MTMR6: variants seen among roughly 807,000 people sequenced by gnomAD.
MTMR6 encodes the protein myotubularin related protein 6.
A neutral mutation model predicts 80.1 loss-of-function variants in MTMR6; 47 were observed. The ratio of observed to expected loss-of-function variants is 0.59; its 90% CI spans 0.46 to 0.75. MTMR6 has a LOEUF of 0.75. Among genes scored for constraint, MTMR6 ranks in the 30% least tolerant of loss-of-function variants. The pLI, the probability that MTMR6 is intolerant of heterozygous loss-of-function variation, is 0.00. For missense variants in MTMR6, 629 were observed against 730.9 expected (o/e 0.86, Z 1.61); for synonymous variants, 254 against 253.0 (o/e 1.00, Z -0.04).
intron 9 of MTMR6, among the ~76,000 whole-genome samples, chr13:25,256,995 T>G (rs1415196423): frequency 1.3e-5 from 2 of 152,212 alleles, no homozygotes; most frequent in African/African-American, 4.8e-5. Context: ...CAGATCAGTC[T>G]TTGCTGTGAG....
In MTMR6 at chr13:25,246,694, C is replaced by CA. The variant is rs1007308829; in HGVS notation, c.*2537dup. ...TCAATATTTTAAAGCTGACCTTCTG[C>CA]AAAAAATGTTTCAAAACAGGCTTGA... On this transcript the variant is annotated 3_prime_UTR_variant, in exon 14 of 14. Coordinates refer to ENST00000381801, the MANE Select transcript of MTMR6 (RefSeq NM_004685.5). 6 of 152,710 alleles carry CA rather than the reference C, an allele frequency of 3.9e-5. No homozygotes were observed. Among genetic ancestry groups the CA allele is most frequent in the Admixed American group, 1.3e-4 (2 of 15,274 alleles). 9.5% of individuals were successfully genotyped at this position (152,710 alleles called of 1,614,324 possible).
intron 1 of MTMR6, among the ~76,000 whole-genome samples, chr13:25,285,192 G>A (rs977673924): frequency 1.3e-5 from 2 of 152,104 alleles, no homozygotes; most frequent in African/African-American, 4.8e-5. Context: ...CTTTCAAAGA[G>A]CTAATAAGAG....
Position 25,257,217 on chromosome 13 carries a change from G to A in MTMR6, c.1074C>T (p.Tyr358=), listed in dbSNP as rs1051401758. ...SLGSLLLDSY[Y]RTIKGFMVLI... ...TTACCATGAATCCTTTGATTGTCCT[G>A]TAGTAGGAATCCAATAAAAGAGAAC... Residue 358 remains tyrosine, a synonymous_variant, in exon 9 of 14, where the codon TAC becomes TAT. Coordinates refer to ENST00000381801, the MANE Select transcript of MTMR6 (RefSeq NM_004685.5). 6.8e-6 allele frequency: 11 copies of A among 1,613,548 alleles called. No homozygotes were observed. The highest frequency in any genetic ancestry group is 1.3e-5 in the African/African-American group (1 of 74,888).
intron 13 of MTMR6, among the ~76,000 whole-genome samples, chr13:25,250,973 G>GT (rs1484183912): frequency 6.6e-6 from 1 of 151,604 alleles, no homozygotes; most frequent in Non-Finnish European, 1.5e-5. Context: ...CTGGGTAAGA[G>GT]TATAGAGGGT....
At chr13:25,252,968 T>C (rs1957121870) in intron 11 of MTMR6, among the ~76,000 whole-genome samples, 1 of 152,174 alleles carries the variant, frequency 6.6e-6, no homozygotes, top group African/African-American at 2.4e-5. Flanking sequence ...CCTTAATATG[T>C]CCCTTGGATG....
At chr13:25,270,879 G>C (rs1957558324) in intron 2 of MTMR6, among the ~76,000 whole-genome samples, 1 of 152,128 alleles carries the variant, frequency 6.6e-6, no homozygotes, top group Admixed American at 6.5e-5. Flanking sequence ...TGGACTGGGA[G>C]GCATAATTGA....
chr13:25,261,881 CAAAAGTGTTA>C, intron 5 of MTMR6, 79 bp from the exon 6 acceptor site: 2 of 1,365,120 alleles, frequency 1.5e-6, no homozygotes, highest in Non-Finnish European at 2.0e-6. Context: ...AAAAAAAAGC[CAAAAGTGTTA>C]AAATCAAATA....
Position 25,275,597 on chromosome 13 carries a change from C to T in MTMR6, c.25-1410G>A, listed in dbSNP as rs189760892. ...TTCATTACCGCCGGGTGTGGTGGCTCACGCCTGTAATCCCAGCACTTTGGG... is the reference window on the plus strand; with the variant it reads ...TTCATTACCGCCGGGTGTGGTGGCTTACGCCTGTAATCCCAGCACTTTGGG... On this transcript the variant is annotated intron_variant, in intron 1 of 13. Coordinates refer to ENST00000381801, the MANE Select transcript of MTMR6 (RefSeq NM_004685.5). Among the ~76,000 whole-genome samples, 228 of 152,088 alleles carry T rather than the reference C, an allele frequency of 1.5e-3. 2 individuals are homozygous for T. In the Middle Eastern group the frequency reaches 0.041, roughly 27 times the overall value.
chr13:25,252,042 A>G, intron 11 of MTMR6, 58 bp from the exon 12 acceptor site: 4 of 1,539,546 alleles, frequency 2.6e-6, no homozygotes, highest in Non-Finnish European at 3.5e-6. Context: ...TAGTAATGGT[A>G]ATATTCATTT....
intron 2 of MTMR6, among the ~76,000 whole-genome samples, chr13:25,273,826 A>G (rs989665936): frequency 6.6e-6 from 1 of 152,168 alleles, no homozygotes; most frequent in African/African-American, 2.4e-5. Flanking sequence ...CATCCGGCCT[A>G]GGAACAACAG....
intron 1 of MTMR6, among the ~76,000 whole-genome samples, chr13:25,279,820 T>G (rs77536025): frequency 0.01 from 1,571 of 152,224 alleles, 48 homozygotes; most frequent in East Asian, 0.093. Context: ...TATGTCTCAA[T>G]AGCAGAGGTT....
chr13:25,267,703 AT>A lies in MTMR6; in HGVS notation c.304+75del, dbSNP rs930488914. On this transcript the variant is annotated intron_variant, in intron 3 of 13. Coordinates refer to ENST00000381801, the MANE Select transcript of MTMR6 (RefSeq NM_004685.5). Reference sequence around the variant, plus strand: ...AGCAAAAAAGGATAAAATAACAATAATAAAACATTAAATAAAGTATCTTAGA... The same window carrying A: ...AGCAAAAAAGGATAAAATAACAATAAAAAACATTAAATAAAGTATCTTAGA... The A allele has an allele frequency of 4.4e-5, 62 of 1,424,710 alleles. No homozygotes were observed. In the African/African-American group the frequency reaches 6.1e-4, roughly 14 times the overall value. The allele number at this position is 1,424,710 out of a possible 1,614,324, so 88.3% of individuals were successfully genotyped here.
chr13:25,264,849 T>G (rs1957422227), intron 5 of MTMR6, among the ~76,000 whole-genome samples: 1 of 151,052 alleles, frequency 6.6e-6, no homozygotes, highest in African/African-American at 2.4e-5. Context: ...CCCAAAGGAC[T>G]GGGAGTCAGA....
At chr13:25,260,501 G>C in intron 6 of MTMR6, 1 of 569,878 alleles carries the variant, frequency 1.8e-6, no homozygotes, top group South Asian at 2.1e-5. Flanking sequence ...ATAATGATGA[G>C]AATCACTTCT....
Position 25,274,945 on chromosome 13 carries a change from CACACACACACACACAT to C in MTMR6, c.25-774_25-759del, listed in dbSNP as rs1439600525. ...TTATGAATACTAGTAGACAGACACACACACACACACACACATACACACACACACACACACACACACA... is the reference window on the plus strand; with the variant it reads ...TTATGAATACTAGTAGACAGACACACACACACACACACACACACACACACA... On this transcript the variant is annotated intron_variant, in intron 1 of 13. Transcript: ENST00000381801. Among the ~76,000 whole-genome samples, 619 of 125,056 alleles carry C rather than the reference CACACACACACACACAT, an allele frequency of 4.9e-3. 7 individuals are homozygous for C. The highest frequency in any genetic ancestry group is 0.024 in the East Asian group (101 of 4,134). 82.0% of individuals were successfully genotyped at this position (125,056 alleles called of 152,430 possible).
rs1438974128 is a variant in MTMR6, at chr13:25,251,231, G to C, written c.1605+418C>G. Among the ~76,000 whole-genome samples, 2 of 152,068 alleles carry C rather than the reference G, an allele frequency of 1.3e-5. No individual in the cohort carries two copies. The highest frequency in any genetic ancestry group is 1.5e-5 in the Non-Finnish European group (1 of 68,010). Reference sequence around the variant, plus strand: ...AGATGGGGTTTCACTGTGCTGACCAGGCTGGTCTCAAACTCTCCTGACCTG... The same window carrying C: ...AGATGGGGTTTCACTGTGCTGACCACGCTGGTCTCAAACTCTCCTGACCTG... On this transcript the variant is annotated intron_variant, in intron 13 of 13. Coordinates refer to ENST00000381801, the MANE Select transcript of MTMR6 (RefSeq NM_004685.5). This position sits in a 1 kb window ranked among gnomAD's most constrained non-coding sequence, Gnocchi z 4.1.
chr13:25,264,011 A>C (rs1957396210), intron 5 of MTMR6, among the ~76,000 whole-genome samples: 1 of 152,224 alleles, frequency 6.6e-6, no homozygotes, highest in Admixed American at 6.5e-5. Flanking sequence ...AAAGACATGA[A>C]AGACAAAAAC....
rs754468636 is a variant in MTMR6, at chr13:25,249,294, ACT to A, written c.1802_1803del (p.Glu601ValfsTer3). ...ACCACAGCAGGTTCTGATTTAGAAA[ACT>A]CTTCTGCATATTCACTATAACGATT... Reference protein sequence around the residue: ...ADNRYSEYAEEFSKSEPAVVS... With the variant: ...ADNRYSEYAEXFSKSEPAVVS... On this transcript the variant is annotated frameshift_variant, in exon 14 of 14. Coordinates refer to ENST00000381801, the MANE Select transcript of MTMR6 (RefSeq NM_004685.5). LOFTEE classifies it high-confidence loss of function. 35 of 1,613,522 alleles carry A rather than the reference ACT, an allele frequency of 2.2e-5. No homozygotes were observed. Among genetic ancestry groups the A allele is most frequent in the African/African-American group, 1.3e-5 (1 of 74,764 alleles).
At chr13:25,282,268 G>A (rs1957867192) in intron 1 of MTMR6, among the ~76,000 whole-genome samples, 1 of 152,104 alleles carries the variant, frequency 6.6e-6, no homozygotes, top group Admixed American at 6.5e-5. Flanking sequence ...ATTTATAGCA[G>A]TCCTCCCTTA....
Sources: allele counts gnomAD v4.1 joint callset (sites outside exome capture counted in the v4.1 genomes callset), GRCh38; gene constraint gnomAD v4.1.1; non-coding constraint Gnocchi (gnomAD v3.1); transcripts MANE v1.5; gene names NCBI Gene and HGNC (gene_info 2026-07-23, HGNC 2026-07-21).